SYNE1: variants seen among roughly 807,000 people sequenced by gnomAD.
SYNE1 encodes nesprin-1.
A neutral mutation model predicts 1,111.0 loss-of-function variants in SYNE1; 616 were observed. The observed-to-expected ratio is 0.55, with a 90% CI of 0.52 to 0.59. SYNE1 has a LOEUF of 0.59. Ranked by LOEUF, SYNE1 falls within the 20% of genes least tolerant of loss-of-function variation. SYNE1 has a pLI of 0.00. For missense variants in SYNE1, 10,006 were observed against 10,417.0 expected (o/e 0.96, Z 1.72); for synonymous variants, 3,855 against 3,825.8 (o/e 1.01, Z -0.28).
Position 152,224,563 on chromosome 6 carries a change from G to C in SYNE1, c.21453C>G (p.Tyr7151Ter). 6.2e-7 allele frequency: 1 copy of C among 1,614,006 alleles called. No individual in the cohort carries two copies. Among genetic ancestry groups the C allele is most frequent in the Non-Finnish European group, 8.5e-7 (1 of 1,179,958 alleles). ...KINSYLMEAR[Y>*]SLSRFRLLTG... ...TCAGCAGACGGAATCGGGAAAGAGA[G>C]TATCTGGCCTCCATGAGGTAACTGT... The change falls in exon 117 of 146, where the codon TAC (tyrosine) becomes TAG (stop). Residue 7151 changes from tyrosine (Y) to a stop codon, truncating the protein, a stop_gained. Coordinates refer to ENST00000367255, the MANE Select transcript of SYNE1 (RefSeq NM_182961.4). LOFTEE classifies it high-confidence loss of function.
chr6:152,261,089 C>G (rs1375032859), intron 101 of SYNE1, among the ~76,000 whole-genome samples: 2 of 152,306 alleles, frequency 1.3e-5, no homozygotes, highest in East Asian at 1.9e-4. Flanking sequence ...TTATTGACAC[C>G]CTTTGCTTCT....
chr6:152,275,063 C>T (rs551865875), intron 98 of SYNE1, among the ~76,000 whole-genome samples: 11 of 152,236 alleles, frequency 7.2e-5, no homozygotes, highest in South Asian at 2.1e-4. Flanking sequence ...TGTGCCACCA[C>T]GCCCGGCTAA....
In SYNE1 at chr6:152,283,686, A is replaced by G. The variant is rs9397499; in HGVS notation, c.18207+292T>C. 0.29 allele frequency among the ~76,000 whole-genome samples: 44,178 copies of G among 151,782 alleles called. 8,046 individuals are homozygous for G. The highest frequency in any genetic ancestry group is 0.52 in the East Asian group (2,634 of 5,110). ...CAAGTAGCTGGGACTACAGGCACACACCACCATGTCTGGCTCATTTTTATA... is the reference window on the plus strand; with the variant it reads ...CAAGTAGCTGGGACTACAGGCACACGCCACCATGTCTGGCTCATTTTTATA... On this transcript the variant is annotated intron_variant, in intron 96 of 145. Coordinates refer to ENST00000367255, the MANE Select transcript of SYNE1 (RefSeq NM_182961.4).
intron 95 of SYNE1, 85 bp from the exon 96 acceptor site, chr6:152,284,257 G>T: frequency 7.3e-7 from 1 of 1,369,368 alleles, no homozygotes. Flanking sequence ...CACATCCATT[G>T]GGATTAGCGG....
intron 4 of SYNE1, among the ~76,000 whole-genome samples, chr6:152,537,342 C>G (rs1459869626): frequency 2.0e-5 from 3 of 152,002 alleles, no homozygotes; most frequent in African/African-American, 7.2e-5. Flanking sequence ...AATGATCTAA[C>G]ATTTGTGTAG....
At chr6:152,389,123 T>C (rs1329717011) in intron 53 of SYNE1, among the ~76,000 whole-genome samples, 1 of 152,110 alleles carries the variant, frequency 6.6e-6, no homozygotes. Flanking sequence ...TAACCAGGGA[T>C]TTTTGTTCAC....
chr6:152,141,429 CT>C, intron 138 of SYNE1, 100 bp from the exon 139 acceptor site: 2 of 1,522,588 alleles, frequency 1.3e-6, no homozygotes, highest in Admixed American at 3.4e-5. Flanking sequence ...AGAGAAGTGT[CT>C]GTGTTTGGCT....
intron 3 of SYNE1, among the ~76,000 whole-genome samples, chr6:152,554,996 A>G (rs1237568553): frequency 6.6e-6 from 1 of 152,228 alleles, no homozygotes; most frequent in Non-Finnish European, 1.5e-5. Context: ...TCAAATCACC[A>G]GAAGGTAATG....
At chr6:152,374,479 C>T (rs562582004) in intron 58 of SYNE1, among the ~76,000 whole-genome samples, 5 of 152,302 alleles carry the variant, frequency 3.3e-5, no homozygotes, top group African/African-American at 1.2e-4. Context: ...AGGCTATCCT[C>T]TAAAACAGTA....
rs747405346 is a variant in SYNE1 at position 152,122,468 on chromosome 6, G to A, written c.26362C>T (p.Leu8788Phe). ...GGAGGAGGGCCATTCGTGTATCTGA[G>A]CATGGGGTGGAATGACCGGGCAAAG... ...NNFARSFHPM[L>F]RYTNGPPPL Residue 8788 changes from leucine (L) to phenylalanine (F), a missense_variant, in exon 146 of 146, where the codon CTC (leucine) becomes TTC (phenylalanine). Leu to Phe is a conservative substitution (Grantham distance 22). Coordinates refer to ENST00000367255, the MANE Select transcript of SYNE1 (RefSeq NM_182961.4). 11 of 1,614,062 alleles carry A rather than the reference G, an allele frequency of 6.8e-6. No homozygotes were observed. In the Admixed American group the frequency reaches 1.7e-4, roughly 24 times the overall value.
At position 152,350,312 on chromosome 6, in the gene SYNE1, C is replaced by T. The variant is rs763959962; in HGVS notation, c.11757G>A (p.Ala3919=). The change falls in exon 72 of 146, where the codon GCG becomes GCA. Residue 3919 remains alanine, a synonymous_variant. Transcript: ENST00000367255. The part of the protein sequence containing the change: ...IGKEHVFSLE[A]KVKDHEDYNS... ...TGTAGTCTTCATGGTCTTTGACTTT[C>T]GCCTCCAGACTGAAGACATGCTCCT... 3.4e-5 allele frequency: 55 copies of T among 1,614,004 alleles called. No homozygotes were observed. Among genetic ancestry groups the T allele is most frequent in the Middle Eastern group, 1.6e-4 (1 of 6,082 alleles).
intron 11 of SYNE1, 133 bp from the exon 12 acceptor site, chr6:152,488,636 C>T (rs988714988): frequency 8.3e-6 from 5 of 605,018 alleles, no homozygotes; most frequent in Non-Finnish European, 1.5e-5. Flanking sequence ...TTCCTTTCTC[C>T]TTACCCCCAC....
At chr6:152,276,033 T>C (rs2093605389) in intron 98 of SYNE1, among the ~76,000 whole-genome samples, 2 of 143,272 alleles carry the variant, frequency 1.4e-5, no homozygotes, top group African/African-American at 5.2e-5. Flanking sequence ...TCGACTTCTT[T>C]TTTTTTTTTT....
At chr6:152,133,729 A>C (rs1432377768) in intron 142 of SYNE1, 3 of 567,224 alleles carry the variant, frequency 5.3e-6, no homozygotes, top group Non-Finnish European at 9.4e-6. Flanking sequence ...CCTGGTCCAC[A>C]GTATTATTGG....
chr6:152,191,860 CTT>C (rs2072508059), intron 127 of SYNE1, among the ~76,000 whole-genome samples: 1 of 151,172 alleles, frequency 6.6e-6, no homozygotes, highest in African/African-American at 2.4e-5. Flanking sequence ...AGTTTTTCTT[CTT>C]TTTTGATGTA....
intron 4 of SYNE1, among the ~76,000 whole-genome samples, chr6:152,539,513 A>T (rs184388109): frequency 2.6e-5 from 4 of 152,300 alleles, no homozygotes; most frequent in Admixed American, 2.6e-4. Context: ...TACCATGGTT[A>T]CTTTTTTAAA....
rs149549071 is a variant in SYNE1 at position 152,183,526 on chromosome 6, G to A, written c.23302-3232C>T. Among the ~76,000 whole-genome samples, 286 of 152,122 alleles carry A rather than the reference G, an allele frequency of 1.9e-3. 2 individuals are homozygous for A. Among genetic ancestry groups the A allele is most frequent in the African/African-American group, 6.3e-3 (263 of 41,510 alleles). On this transcript the variant is annotated intron_variant, in intron 128 of 145. Coordinates refer to ENST00000367255, the MANE Select transcript of SYNE1 (RefSeq NM_182961.4). ...TGAGGCAGGAGAATCGCTTGAGCCC[G>A]GGAGGCGGAAGATGCAGTGAGCCAA...
intron 87 of SYNE1, chr6:152,315,748 C>T (rs761589850): frequency 6.6e-6 from 1 of 152,080 alleles, no homozygotes; most frequent in Admixed American, 6.5e-5. Context: ...TAAGTCCTGT[C>T]TGTTCATATC....
intron 8 of SYNE1, among the ~76,000 whole-genome samples, chr6:152,508,604 T>C (rs2099069996): frequency 6.6e-6 from 1 of 152,210 alleles, no homozygotes; most frequent in African/African-American, 2.4e-5. Context: ...ACCTTGACAT[T>C]ATTACAAAGT....
Sources: gnomAD v4.1 joint callset for allele counts (sites outside exome capture counted in the v4.1 genomes callset) on GRCh38, gnomAD v4.1.1 for gene constraint, MANE v1.5 for transcripts, NCBI Gene and HGNC (gene_info 2026-07-23, HGNC 2026-07-21) for gene names.